The following SCP2 variants were observed in gnomAD, a reference collection of about 807,000 sequenced individuals.
The protein encoded by SCP2 is SCP-2/3-oxoacyl-CoA thiolase.
A neutral mutation model predicts 71.4 loss-of-function variants in SCP2; 48 were observed. The observed-to-expected ratio is 0.67, with a 90% CI of 0.53 to 0.86. The LOEUF (loss-of-function observed/expected upper bound fraction) is 0.86. Among genes scored for constraint, SCP2 ranks in the 40% least tolerant of loss-of-function variants. SCP2 has a pLI of 0.00. For synonymous variants in SCP2, 220 were observed against 218.1 expected (o/e 1.01, Z -0.08); for missense variants, 560 against 655.6 (o/e 0.85, Z 1.59).
At chr1:52,982,286 G>T (rs1658584143) in intron 10 of SCP2, among the ~76,000 whole-genome samples, 1 of 152,038 alleles carries the variant, frequency 6.6e-6, no homozygotes, top group Non-Finnish European at 1.5e-5. Flanking sequence ...ATCTCTCCCA[G>T]TTGGCAGGGC....
chr1:52,961,029 G>T (rs1468345091), intron 5 of SCP2, among the ~76,000 whole-genome samples: 1 of 150,194 alleles, frequency 6.7e-6, no homozygotes. Context: ...TGGGATTACA[G>T]GTGTGAGCCA....
chr1:53,021,317 C>CT (rs35858975), intron 12 of SCP2, among the ~76,000 whole-genome samples: 2,856 of 127,336 alleles, frequency 0.022, 143 homozygotes, highest in African/African-American at 0.073. Flanking sequence ...CCGTCAACCA[C>CT]TTTTTTTTTT....
At chr1:52,982,513 G>T (rs902092950) in intron 10 of SCP2, among the ~76,000 whole-genome samples, 12 of 151,990 alleles carry the variant, frequency 7.9e-5, no homozygotes, top group African/African-American at 1.9e-4. Context: ...GAGCTTGCAG[G>T]GAGCTGATAT....
Position 53,050,715 on chromosome 1 carries a change from T to C in SCP2, c.*11T>C, listed in dbSNP as rs1246044521. 1.9e-6 allele frequency: 3 copies of C among 1,563,030 alleles called. No homozygotes were observed. Among genetic ancestry groups the C allele is most frequent in the Admixed American group, 3.3e-5 (2 of 59,946 alleles). ...AACGCTAAGCTCTGAAGAACTCCCT[T>C]TGGCTACTTTTGAAAATCAAGATGA... On this transcript the variant is annotated 3_prime_UTR_variant, in exon 16 of 16. Coordinates refer to ENST00000371514, the MANE Select transcript of SCP2 (RefSeq NM_002979.5).
intron 1 of SCP2, among the ~76,000 whole-genome samples, chr1:52,935,506 C>T (rs574466010): frequency 4.0e-5 from 6 of 150,162 alleles, no homozygotes; most frequent in African/African-American, 1.5e-4. Flanking sequence ...AGGAGAATCA[C>T]TTGAACCCAG....
At chr1:53,038,202 A>T (rs75165726) in intron 13 of SCP2, among the ~76,000 whole-genome samples, 1 of 148,598 alleles carries the variant, frequency 6.7e-6, no homozygotes, top group South Asian at 2.1e-4. Context: ...ATGTGTTTAT[A>T]TATATACCAT....
At position 52,980,555 on chromosome 1, in the gene SCP2, G is replaced by C; in HGVS notation, c.973+12G>C. 1 of 1,609,448 alleles carries C rather than the reference G, an allele frequency of 6.2e-7. No individual in the cohort carries two copies. Among genetic ancestry groups the C allele is most frequent in the South Asian group, 1.1e-5 (1 of 90,966 alleles). On this transcript the variant is annotated intron_variant, in intron 10 of 15. Coordinates refer to ENST00000371514, the MANE Select transcript of SCP2 (RefSeq NM_002979.5). Reference sequence around the variant, plus strand: ...ACTCTGTCCAGAAGGTAACATCTTTGAATAGGGCAGATTAATTCAGTAAAT... The same window carrying C: ...ACTCTGTCCAGAAGGTAACATCTTTCAATAGGGCAGATTAATTCAGTAAAT...
At chr1:52,949,692 G>C (rs1236614448) in intron 3 of SCP2, among the ~76,000 whole-genome samples, 1 of 152,212 alleles carries the variant, frequency 6.6e-6, no homozygotes, top group Non-Finnish European at 1.5e-5. Context: ...GCTGAGAAAG[G>C]TAAAAACACC....
At chr1:52,941,540 G>T (rs1654241406) in intron 1 of SCP2, among the ~76,000 whole-genome samples, 1 of 151,968 alleles carries the variant, frequency 6.6e-6, no homozygotes, top group Non-Finnish European at 1.5e-5. Flanking sequence ...TTTGAGACCA[G>T]CCTGGCCAAC....
At chr1:53,011,238 A>G (rs1234983137) in intron 11 of SCP2, among the ~76,000 whole-genome samples, 1 of 152,190 alleles carries the variant, frequency 6.6e-6, no homozygotes, top group Non-Finnish European at 1.5e-5. Context: ...CCGGATTATG[A>G]CTTTATTGTA....
At chr1:52,938,218 C>G (rs1368152494) in intron 1 of SCP2, among the ~76,000 whole-genome samples, 1 of 152,170 alleles carries the variant, frequency 6.6e-6, no homozygotes, top group Non-Finnish European at 1.5e-5. Flanking sequence ...GCTCAGGAGA[C>G]AAGTCCTGTT....
intron 6 of SCP2, among the ~76,000 whole-genome samples, chr1:52,971,823 G>T (rs773126866): frequency 7.9e-5 from 12 of 152,218 alleles, no homozygotes; most frequent in Non-Finnish European, 1.8e-4. Flanking sequence ...AGATAGGTCA[G>T]ATAGTTTGTT....
intron 12 of SCP2, among the ~76,000 whole-genome samples, chr1:53,024,229 T>C (rs1455777284): frequency 2.0e-5 from 3 of 152,172 alleles, no homozygotes; most frequent in Non-Finnish European, 2.9e-5. Context: ...CTTAGAATCA[T>C]AGTACCTAGA....
intron 10 of SCP2, among the ~76,000 whole-genome samples, chr1:52,982,923 T>G (rs1658663725): frequency 6.6e-6 from 1 of 152,206 alleles, no homozygotes; most frequent in Non-Finnish European, 1.5e-5. Flanking sequence ...TATCCAGATA[T>G]TTATCATTTT....
chr1:52,930,626 C>CAA lies in SCP2; in HGVS notation c.69+3169_69+3170dup, dbSNP rs150442686. 3.3e-5 allele frequency among the ~76,000 whole-genome samples: 5 copies of CAA among 150,352 alleles called. No homozygotes were observed. In the East Asian group the frequency reaches 7.8e-4, roughly 23 times the overall value. ...GGGTAATGGGAGTGAGACTCTGTCT[C>CAA]AAAAAAAAAGTGCTGCTCACAACCT... On this transcript the variant is annotated intron_variant, in intron 1 of 15. Transcript: ENST00000371514.
intron 7 of SCP2, 37 bp downstream of exon 7, chr1:52,974,869 G>C: frequency 2.0e-6 from 2 of 1,010,868 alleles, no homozygotes; most frequent in South Asian, 1.3e-5. Flanking sequence ...TGAAAATCTG[G>C]GTTATCCTAC....
At chr1:53,035,539 C>CA (rs1211607863) in intron 13 of SCP2, among the ~76,000 whole-genome samples, 1 of 151,888 alleles carries the variant, frequency 6.6e-6, no homozygotes, top group Non-Finnish European at 1.5e-5. Flanking sequence ...CCAACTCCAA[C>CA]AACATTTTGG....
intron 14 of SCP2, among the ~76,000 whole-genome samples, chr1:53,045,066 G>A (rs950400645): frequency 2.6e-5 from 4 of 151,998 alleles, no homozygotes; most frequent in African/African-American, 9.7e-5. Context: ...TTTGTTTTGC[G>A]TTTTGTAAAA....
chr1:52,955,249 G>A (rs1036742498), intron 5 of SCP2, among the ~76,000 whole-genome samples: 1 of 152,164 alleles, frequency 6.6e-6, no homozygotes, highest in Non-Finnish European at 1.5e-5. Context: ...CTGCAGATGA[G>A]TGCCAGAGAA....
Sources: allele counts gnomAD v4.1 joint callset (sites outside exome capture counted in the v4.1 genomes callset), GRCh38; gene constraint gnomAD v4.1.1; transcripts MANE v1.5; gene names NCBI Gene and HGNC (gene_info 2026-07-23, HGNC 2026-07-21).